GRM4: variants seen among roughly 807,000 people sequenced by gnomAD.
GRM4 encodes the protein glutamate metabotropic receptor 4.
A neutral mutation model predicts 81.7 loss-of-function variants in GRM4; 28 were observed. That is an observed-to-expected ratio of 0.34 (90% CI 0.25 to 0.47). The LOEUF is 0.47. Among genes scored for constraint, GRM4 ranks in the 20% least tolerant of loss-of-function variants. The probability of loss-of-function intolerance (pLI) is 1.00; values close to 1 mark genes in which losing one functional copy is unlikely to be tolerated. For missense variants in GRM4, 948 were observed against 1,290.0 expected (o/e 0.73, Z 4.06); for synonymous variants, 488 against 528.8 (o/e 0.92, Z 1.06).
In GRM4 at chr6:34,028,191, A is replaced by T; in HGVS notation, c.2618T>A (p.Phe873Tyr). 6.2e-7 allele frequency: 1 copy of T among 1,613,958 alleles called. No homozygotes were observed. Among genetic ancestry groups the T allele is most frequent in the Non-Finnish European group, 8.5e-7 (1 of 1,179,994 alleles). Residue 873 changes from phenylalanine to tyrosine, a missense_variant, in exon 10 of 11, where the codon TTC (phenylalanine) becomes TAC (tyrosine). By Grantham distance (22) the Phe-to-Tyr change is conservative. Coordinates refer to ENST00000538487, the MANE Select transcript of GRM4 (RefSeq NM_000841.4). ...GGGCCGGAAGTTGCCCTTCTGCGTG[A>T]ACTTGTTGGACATGGTGGCCGCCGT... is the stretch of plus-strand genomic sequence containing the variant. ...VVTAATMSNK[F>Y]TQKGNFRPNG...
intron 2 of GRM4, among the ~76,000 whole-genome samples, chr6:34,127,967 G>A (rs983294079): frequency 6.6e-6 from 1 of 152,186 alleles, no homozygotes; most frequent in African/African-American, 2.4e-5. Context: ...GCAGCCAAGA[G>A]CCCAGGGGGC....
chr6:34,077,762 T>G (rs899758253), intron 3 of GRM4, among the ~76,000 whole-genome samples: 1 of 152,196 alleles, frequency 6.6e-6, no homozygotes, highest in African/African-American at 2.4e-5. Context: ...TTTCTTCAAG[T>G]CAGCTCCATC....
chr6:34,091,261 T>A (rs1178167991), intron 3 of GRM4, among the ~76,000 whole-genome samples: 1 of 152,150 alleles, frequency 6.6e-6, no homozygotes, highest in Non-Finnish European at 1.5e-5. Flanking sequence ...GAAAGCTTTA[T>A]CACAGAGCAT....
At chr6:34,062,937 CAGAGA>C (rs1385365496) in intron 3 of GRM4, 3 of 152,202 alleles carry the variant, frequency 2.0e-5, no homozygotes, top group Non-Finnish European at 4.4e-5. Context: ...AACTGAAGCT[CAGAGA>C]AGAGAAGTGG....
intron 2 of GRM4, among the ~76,000 whole-genome samples, chr6:34,128,038 A>G (rs895654381): frequency 1.3e-5 from 2 of 152,214 alleles, no homozygotes; most frequent in African/African-American, 4.8e-5. Flanking sequence ...GGGGTGGCAC[A>G]TACAGGCCAC....
intron 10 of GRM4, chr6:34,024,820 A>G: frequency 2.2e-6 from 1 of 451,970 alleles, no homozygotes; most frequent in Admixed American, 2.4e-5. Flanking sequence ...ATGGAAGAAA[A>G]TGGTGCCACA....
At chr6:34,033,351 AG>A (rs890238087) in intron 9 of GRM4, among the ~76,000 whole-genome samples, 3 of 151,758 alleles carry the variant, frequency 2.0e-5, no homozygotes, top group African/African-American at 4.8e-5. Flanking sequence ...GCACCTACCA[AG>A]GAAGTCCCAG....
chr6:34,110,453 C>A (rs1246915338), intron 2 of GRM4, among the ~76,000 whole-genome samples: 1 of 151,588 alleles, frequency 6.6e-6, no homozygotes, highest in Non-Finnish European at 1.5e-5. Flanking sequence ...GCCACACTGG[C>A]CTCCACCGAG....
At chr6:34,122,621 T>TG (rs1328939862) in intron 2 of GRM4, among the ~76,000 whole-genome samples, 250 of 89,588 alleles carry the variant, frequency 2.8e-3, no homozygotes, top group African/African-American at 9.8e-3. Flanking sequence ...GGGCGGGGGG[T>TG]GGGGGGGGCA....
chr6:34,056,468 G>A (rs1765891760), intron 6 of GRM4, 76 bp downstream of exon 6: 33 of 1,327,116 alleles, frequency 2.5e-5, no homozygotes, highest in African/African-American at 2.9e-5. Flanking sequence ...GGAGACTCTC[G>A]GCCTCAGGCC....
chr6:34,140,106 C>T (rs1770619647), intron 1 of GRM4, among the ~76,000 whole-genome samples: 1 of 152,116 alleles, frequency 6.6e-6, no homozygotes. Context: ...CCCAGAAGGG[C>T]TTTTTCAGAA....
At chr6:34,072,616 A>T (rs1766991144) in intron 3 of GRM4, among the ~76,000 whole-genome samples, 237 of 5,154 alleles carry the variant, frequency 0.046, 1 homozygote, top group African/African-American at 0.08. Context: ...ACACACACAC[A>T]CATCACCGCA....
At chr6:34,073,165 C>A (rs201013237) in intron 3 of GRM4, among the ~76,000 whole-genome samples, 2 of 16,084 alleles carry the variant, frequency 1.2e-4, no homozygotes, top group African/African-American at 2.2e-4. Flanking sequence ...AGACACACAC[C>A]CACACACCAC....
intron 2 of GRM4, among the ~76,000 whole-genome samples, chr6:34,099,599 C>G (rs1315984363): frequency 6.6e-6 from 1 of 152,156 alleles, no homozygotes; most frequent in Non-Finnish European, 1.5e-5. Flanking sequence ...TCAGCCCTGA[C>G]CAGGCCCATC....
In GRM4 at chr6:34,059,346, GCCCCTGGGC is replaced by G; in HGVS notation, c.873-227_873-219del. 1 of 579,830 alleles carries G rather than the reference GCCCCTGGGC, an allele frequency of 1.7e-6. No individual in the cohort carries two copies. The highest frequency in any genetic ancestry group is 2.0e-5 in the South Asian group (1 of 49,726). 35.9% of individuals were successfully genotyped at this position (579,830 alleles called of 1,614,324 possible). On this transcript the variant is annotated intron_variant, in intron 4 of 10. Coordinates refer to ENST00000538487, the MANE Select transcript of GRM4 (RefSeq NM_000841.4). The surrounding 1 kb of genome is among the most constrained non-coding windows in gnomAD (Gnocchi z 5.7). ...GGCTACCGCCTCATCCAACCTGCCT[GCCCCTGGGC>G]CCACGCCTGCTGCAGGCCCAGCGTG...
intron 2 of GRM4, among the ~76,000 whole-genome samples, chr6:34,093,776 T>A (rs1040434878): frequency 6.6e-6 from 1 of 152,198 alleles, no homozygotes; most frequent in Admixed American, 6.5e-5. Flanking sequence ...GCCACCCAGC[T>A]GGCCCGCTCT....
rs187300582 is a variant in GRM4 at position 34,080,004 on chromosome 6, C to T, written c.736+11879G>A. Among the ~76,000 whole-genome samples the T allele has an allele frequency of 2.3e-4, 35 of 152,330 alleles. No homozygotes were observed. The East Asian group carries it at 3.3e-3, about 14-fold the overall frequency. On this transcript the variant is annotated intron_variant, in intron 3 of 10. Transcript: ENST00000538487. The surrounding 1 kb of genome is among the most constrained non-coding windows in gnomAD (Gnocchi z 5.4). Reference sequence around the variant, plus strand: ...AAAAGCCAAAGTCCCCACAGGCCCCCCCAGGGCCCCATGCAATTTGCCCTC... The same window carrying T: ...AAAAGCCAAAGTCCCCACAGGCCCCTCCAGGGCCCCATGCAATTTGCCCTC...
At position 34,022,203 on chromosome 6, in the gene GRM4, TGAACTGGG is replaced by T. The variant is rs1233903232; in HGVS notation, c.*610_*617del. On this transcript the variant is annotated 3_prime_UTR_variant, in exon 11 of 11. Coordinates refer to ENST00000538487, the MANE Select transcript of GRM4 (RefSeq NM_000841.4). This position sits in a 1 kb window ranked among gnomAD's most constrained non-coding sequence, Gnocchi z 5.6. ...CTCTTTTGCAACATGTAAGGTTTGG[TGAACTGGG>T]GAAGGGTGGCAGGGAGAGGGGAGCA... is the stretch of plus-strand genomic sequence containing the variant. 3 of 154,072 alleles carry T rather than the reference TGAACTGGG, an allele frequency of 1.9e-5. No homozygotes were observed. The highest frequency in any genetic ancestry group is 4.3e-5 in the Non-Finnish European group (3 of 69,198). 9.5% of individuals were successfully genotyped at this position (154,072 alleles called of 1,614,324 possible).
intron 6 of GRM4, among the ~76,000 whole-genome samples, chr6:34,044,903 C>T (rs564143867): frequency 6.6e-6 from 1 of 151,324 alleles, no homozygotes; most frequent in Non-Finnish European, 1.5e-5. Flanking sequence ...CATACACACA[C>T]AGACATACAT....
Sources: allele counts gnomAD v4.1 joint callset (sites outside exome capture counted in the v4.1 genomes callset), GRCh38; gene constraint gnomAD v4.1.1; non-coding constraint Gnocchi (gnomAD v3.1); transcripts MANE v1.5; gene names NCBI Gene and HGNC (gene_info 2026-07-23, HGNC 2026-07-21).